CLCN3: variants seen among roughly 807,000 people sequenced by gnomAD.
The protein encoded by CLCN3 is Cl-/H+ antiporter 3, also known as H(+)/Cl(-) exchange transporter 3.
In CLCN3, 16 loss-of-function variants were observed where a neutral mutation model predicts 83.4. The ratio of observed to expected loss-of-function variants is 0.19; its 90% CI spans 0.13 to 0.29. The LOEUF (loss-of-function observed/expected upper bound fraction) is 0.29. Ranked by LOEUF, CLCN3 falls within the 10% of genes least tolerant of loss-of-function variation. The probability of loss-of-function intolerance (pLI) is 1.00; values close to 1 mark genes in which losing one functional copy is unlikely to be tolerated. For missense variants in CLCN3, 544 were observed against 1,006.0 expected, an observed-to-expected ratio of 0.54 and a Z score of 6.21; for synonymous variants, 322 against 346.2, an observed-to-expected ratio of 0.93 and a Z score of 0.78.
intron 12 of CLCN3, among the ~76,000 whole-genome samples, chr4:169,715,353 T>G (rs945225139): frequency 6.6e-6 from 1 of 152,150 alleles, no homozygotes; most frequent in Admixed American, 6.5e-5. Flanking sequence ...AGGGAATATA[T>G]TAAATTGCTT....
chr4:169,674,506 C>G (rs1731602181), intron 2 of CLCN3, among the ~76,000 whole-genome samples: 1 of 152,070 alleles, frequency 6.6e-6, no homozygotes, highest in Non-Finnish European at 1.5e-5. Flanking sequence ...GCTAGCTTTT[C>G]AAAGTGGAAG....
intron 10 of CLCN3, among the ~76,000 whole-genome samples, chr4:169,706,524 T>A (rs1307872395): frequency 1.3e-5 from 2 of 152,218 alleles, no homozygotes; most frequent in Non-Finnish European, 2.9e-5. Context: ...TAGAATAAGC[T>A]TTTATAAGGG....
chr4:169,690,137 CTTTTTTTT>C (rs397769904), intron 5 of CLCN3, among the ~76,000 whole-genome samples: 2 of 110,464 alleles, frequency 1.8e-5, no homozygotes, highest in East Asian at 5.1e-4. Context: ...TCTTTTCTTT[CTTTTTTTT>C]TTTTTTTTTT....
chr4:169,677,491 G>A (rs915293754), intron 2 of CLCN3, among the ~76,000 whole-genome samples: 7 of 152,132 alleles, frequency 4.6e-5, no homozygotes, highest in Admixed American at 2.0e-4. Context: ...TTGCCAACCC[G>A]TTTTAGATTA....
intron 2 of CLCN3, among the ~76,000 whole-genome samples, chr4:169,658,045 T>C (rs893531246): frequency 6.6e-6 from 1 of 152,110 alleles, no homozygotes; most frequent in African/African-American, 2.4e-5. Flanking sequence ...ACAAGAGATG[T>C]GTTTACTTCT....
chr4:169,701,926 C>T (rs953719907), intron 9 of CLCN3, among the ~76,000 whole-genome samples: 2 of 151,994 alleles, frequency 1.3e-5, no homozygotes, highest in African/African-American at 4.8e-5. Context: ...GGAGTGTGCA[C>T]AGTGTATTTA....
At chr4:169,676,124 C>T (rs1731665722) in intron 2 of CLCN3, among the ~76,000 whole-genome samples, 1 of 152,094 alleles carries the variant, frequency 6.6e-6, no homozygotes, top group Admixed American at 6.5e-5. Context: ...AAATTTTACA[C>T]AGTAATTTGC....
At chr4:169,643,827 GT>G (rs1334643564) in intron 2 of CLCN3, among the ~76,000 whole-genome samples, 1 of 152,140 alleles carries the variant, frequency 6.6e-6, no homozygotes, top group African/African-American at 2.4e-5. Context: ...GCTCACAGTG[GT>G]GAATACAAGT....
intron 10 of CLCN3, among the ~76,000 whole-genome samples, chr4:169,705,861 A>T (rs1234675712): frequency 6.6e-6 from 1 of 152,072 alleles, no homozygotes; most frequent in East Asian, 1.9e-4. Flanking sequence ...AGGTAAGATA[A>T]AATGGTATTA....
At chr4:169,654,035 A>G (rs1293358548) in intron 2 of CLCN3, among the ~76,000 whole-genome samples, 1 of 152,140 alleles carries the variant, frequency 6.6e-6, no homozygotes, top group Non-Finnish European at 1.5e-5. Context: ...ATCAATTACT[A>G]GAAAACAATT....
intron 11 of CLCN3, among the ~76,000 whole-genome samples, chr4:169,711,305 G>C (rs1733204590): frequency 6.6e-6 from 1 of 152,124 alleles, no homozygotes; most frequent in Non-Finnish European, 1.5e-5. Flanking sequence ...AACTTAATGG[G>C]TATTTTTCAA....
chr4:169,660,010 T>TA, intron 2 of CLCN3: 1 of 974,618 alleles, frequency 1.0e-6, no homozygotes, highest in African/African-American at 1.7e-5. Context: ...TTACTGTAGT[T>TA]ACCACTGATG....
chr4:169,626,565 C>G (rs971960185), intron 1 of CLCN3, among the ~76,000 whole-genome samples: 2 of 152,234 alleles, frequency 1.3e-5, no homozygotes, highest in Non-Finnish European at 2.9e-5. Context: ...GACCCACAGT[C>G]AGACAGGCTG....
chr4:169,654,616 A>C (rs777647931), intron 2 of CLCN3, among the ~76,000 whole-genome samples: 12 of 152,054 alleles, frequency 7.9e-5, no homozygotes, highest in Non-Finnish European at 1.6e-4. Context: ...ACTTTGGGCT[A>C]TAGGTTATTT....
intron 6 of CLCN3, among the ~76,000 whole-genome samples, chr4:169,691,022 T>C (rs1320533606): frequency 1.3e-5 from 2 of 152,016 alleles, no homozygotes; most frequent in African/African-American, 4.8e-5. Flanking sequence ...TTTTTGAGAC[T>C]GAGTCTTGTG....
chr4:169,655,072 CTCTATT>C (rs2150215106), intron 2 of CLCN3, among the ~76,000 whole-genome samples: 1 of 152,130 alleles, frequency 6.6e-6, no homozygotes, highest in East Asian at 1.9e-4. Flanking sequence ...TTTTAAATAA[CTCTATT>C]TCTAATTATA....
At chr4:169,637,035 T>TA (rs1730230749) in intron 2 of CLCN3, among the ~76,000 whole-genome samples, 1 of 152,172 alleles carries the variant, frequency 6.6e-6, no homozygotes, top group Non-Finnish European at 1.5e-5. Flanking sequence ...CTATACATGA[T>TA]AACAGTTTTT....
At chr4:169,668,450 T>C (rs1170592704) in intron 2 of CLCN3, among the ~76,000 whole-genome samples, 1 of 152,182 alleles carries the variant, frequency 6.6e-6, no homozygotes, top group African/African-American at 2.4e-5. Context: ...TACAATACTC[T>C]AGTAGAAGTG....
At chr4:169,655,776 A>G (rs1730864528) in intron 2 of CLCN3, among the ~76,000 whole-genome samples, 1 of 152,144 alleles carries the variant, frequency 6.6e-6, no homozygotes, top group African/African-American at 2.4e-5. Context: ...GAGTGCAGGG[A>G]TTATAGGCAT....
Sources: gnomAD v4.1 joint callset for allele counts (sites outside exome capture counted in the v4.1 genomes callset) on GRCh38, gnomAD v4.1.1 for gene constraint, MANE v1.5 for transcripts, NCBI Gene and HGNC (gene_info 2026-07-23, HGNC 2026-07-21) for gene names.